SERGEF: variants seen among roughly 807,000 people sequenced by gnomAD.
SERGEF encodes secretion-regulating guanine nucleotide exchange factor.
A neutral mutation model predicts 50.0 loss-of-function variants in SERGEF; 51 were observed. That is an observed-to-expected ratio of 1.02 (90% CI 0.81 to 1.29). The LOEUF (loss-of-function observed/expected upper bound fraction) is 1.29, where lower values mean the gene tolerates loss of function less well. SERGEF is among the 50% of genes most tolerant of loss of function. The pLI is 0.00. For synonymous variants in SERGEF, 205 were observed against 212.4 expected (o/e 0.97, Z 0.30); for missense variants, 521 against 557.0 (o/e 0.94, Z 0.65).
At chr11:17,929,888 T>C (rs1182517598) in intron 9 of SERGEF, among the ~76,000 whole-genome samples, 1 of 152,224 alleles carries the variant, frequency 6.6e-6, no homozygotes, top group African/African-American at 2.4e-5. Context: ...CCATCATTAC[T>C]TTATAGTCTC....
chr11:17,863,185 G>A (rs1850957590), intron 10 of SERGEF, among the ~76,000 whole-genome samples: 1 of 152,162 alleles, frequency 6.6e-6, no homozygotes, highest in Non-Finnish European at 1.5e-5. Context: ...TAAGTGAGAT[G>A]ATATATGCAA....
intron 10 of SERGEF, among the ~76,000 whole-genome samples, chr11:17,794,157 C>A (rs550347884): frequency 6.6e-6 from 1 of 152,216 alleles, no homozygotes; most frequent in African/African-American, 2.4e-5. Flanking sequence ...CATTTCCCAA[C>A]CTTTCTTGCA....
At chr11:17,902,685 G>A (rs1206941467) in intron 9 of SERGEF, among the ~76,000 whole-genome samples, 1 of 152,166 alleles carries the variant, frequency 6.6e-6, no homozygotes, top group East Asian at 1.9e-4. Context: ...ATTAGTGCCT[G>A]GTGGCCCTCA....
chr11:17,848,349 A>C (rs1850652603), intron 10 of SERGEF, among the ~76,000 whole-genome samples: 1 of 152,214 alleles, frequency 6.6e-6, no homozygotes, highest in African/African-American at 2.4e-5. Context: ...AGGGAATTTC[A>C]GGAGGAATGA....
chr11:17,822,142 C>G (rs1295979912), intron 10 of SERGEF, among the ~76,000 whole-genome samples: 1 of 152,158 alleles, frequency 6.6e-6, no homozygotes, highest in Non-Finnish European at 1.5e-5. Flanking sequence ...CTGGCTCAGG[C>G]TGGGCCTCTG....
chr11:17,922,617 C>T (rs1565205644), intron 9 of SERGEF, among the ~76,000 whole-genome samples: 1 of 152,106 alleles, frequency 6.6e-6, no homozygotes, highest in Non-Finnish European at 1.5e-5. Context: ...ATTGTCTCCA[C>T]TGGGGGTATT....
intron 2 of SERGEF, among the ~76,000 whole-genome samples, chr11:18,007,025 A>G (rs1401931258): frequency 6.6e-6 from 1 of 152,212 alleles, no homozygotes; most frequent in East Asian, 1.9e-4. Flanking sequence ...CATTTATTCA[A>G]CATTGAGAAC....
Position 18,002,134 on chromosome 11 carries a change from T to A in SERGEF, c.448-1577A>T, listed in dbSNP as rs7931469. On this transcript the variant is annotated intron_variant, in intron 4 of 10. Transcript: ENST00000265965. ...GCGTTAATACAATTTGAACATATTG[T>A]CCTTTATATTTTTCTTTTGTTTTTC... 1,012 of 397,258 alleles carry A rather than the reference T, an allele frequency of 2.5e-3. 10 individuals are homozygous for A. Among genetic ancestry groups the A allele is most frequent in the African/African-American group, 0.019 (919 of 47,314 alleles). 24.6% of individuals were successfully genotyped at this position (397,258 alleles called of 1,614,324 possible).
intron 10 of SERGEF, among the ~76,000 whole-genome samples, chr11:17,816,143 A>G (rs533206836): frequency 2.8e-4 from 42 of 152,288 alleles, no homozygotes; most frequent in African/African-American, 9.6e-4. Context: ...AGCAGCCCTC[A>G]TTCTGCCTCT....
At chr11:18,001,721 A>T (rs1274301509) in intron 4 of SERGEF, among the ~76,000 whole-genome samples, 2 of 152,220 alleles carry the variant, frequency 1.3e-5, no homozygotes, top group Admixed American at 1.3e-4. Context: ...CTTTTCTTCA[A>T]AGCAAATATC....
chr11:17,806,658 G>A (rs1280404881), intron 10 of SERGEF, among the ~76,000 whole-genome samples: 3 of 152,114 alleles, frequency 2.0e-5, no homozygotes, highest in South Asian at 2.1e-4. Flanking sequence ...TAATGGGCAC[G>A]AGAAATATCA....
chr11:17,933,716 A>C (rs1414148155), intron 9 of SERGEF, among the ~76,000 whole-genome samples: 1 of 48,464 alleles, frequency 2.1e-5, no homozygotes, highest in Non-Finnish European at 4.6e-5. Context: ...TAAATTAGGC[A>C]AAAAAAAAAA....
chr11:17,980,949 G>C (rs1176651243), intron 8 of SERGEF, among the ~76,000 whole-genome samples: 1 of 152,194 alleles, frequency 6.6e-6, no homozygotes, highest in Non-Finnish European at 1.5e-5. Context: ...GGAAGAAAGG[G>C]ACCAGAGAGT....
intron 8 of SERGEF, among the ~76,000 whole-genome samples, chr11:17,981,688 C>T (rs1853497907): frequency 6.6e-6 from 1 of 152,234 alleles, no homozygotes; most frequent in Non-Finnish European, 1.5e-5. Flanking sequence ...GAATGGCCTC[C>T]TGACCCTCGC....
intron 9 of SERGEF, among the ~76,000 whole-genome samples, chr11:17,937,495 C>T (rs1852476112): frequency 6.6e-6 from 1 of 152,024 alleles, no homozygotes; most frequent in Non-Finnish European, 1.5e-5. Flanking sequence ...TGAGATCGTG[C>T]CACTGGACTC....
chr11:17,830,649 G>GAGAGAGAGA (rs1554999450), intron 10 of SERGEF, among the ~76,000 whole-genome samples: 1,297 of 77,728 alleles, frequency 0.017, 243 homozygotes, highest in African/African-American at 0.065. Flanking sequence ...GGAGAGGGAG[G>GAGAGAGAGA]GAGAGAGAGA....
intron 9 of SERGEF, among the ~76,000 whole-genome samples, chr11:17,942,504 T>C (rs949990529): frequency 2.6e-5 from 4 of 152,222 alleles, no homozygotes; most frequent in South Asian, 2.1e-4. Flanking sequence ...CTAATAGTTA[T>C]TTTATAGATT....
chr11:17,958,367 C>T (rs1328612860), intron 9 of SERGEF, among the ~76,000 whole-genome samples: 1 of 152,206 alleles, frequency 6.6e-6, no homozygotes, highest in South Asian at 2.1e-4. Context: ...TTCAGAGGCA[C>T]ATTTCCTGTG....
intron 9 of SERGEF, among the ~76,000 whole-genome samples, chr11:17,883,870 G>A (rs1851379797): frequency 6.6e-6 from 1 of 152,148 alleles, no homozygotes. Context: ...AAGTTCTGTC[G>A]CCTGCCCTCC....
Sources: allele counts gnomAD v4.1 joint callset (sites outside exome capture counted in the v4.1 genomes callset), GRCh38; gene constraint gnomAD v4.1.1; transcripts MANE v1.5; gene names NCBI Gene and HGNC (gene_info 2026-07-23, HGNC 2026-07-21).